PLPP1: variants seen among roughly 807,000 people sequenced by gnomAD.
The protein encoded by PLPP1 is phospholipid phosphatase 1.
PLPP1 carries 24 observed loss-of-function variants against 31.2 expected under a neutral mutation model. That is an observed-to-expected ratio of 0.77 (90% CI 0.56 to 1.08). The LOEUF (loss-of-function observed/expected upper bound fraction) is 1.08. Among genes scored for constraint, PLPP1 ranks in the 50% least tolerant of loss-of-function variants. PLPP1 has a pLI of 0.00. For synonymous variants in PLPP1, 146 were observed against 126.3 expected (o/e 1.16, Z -1.05); for missense variants, 319 against 342.7 (o/e 0.93, Z 0.55).
intron 2 of PLPP1, among the ~76,000 whole-genome samples, chr5:55,469,507 A>T (rs1006106168): frequency 1.6e-4 from 7 of 44,764 alleles, no homozygotes; most frequent in African/African-American, 3.5e-4. Flanking sequence ...ATAATAATAA[A>T]AATTAAAAAA....
chr5:55,442,607 G>A (rs529351180), intron 3 of PLPP1, among the ~76,000 whole-genome samples: 3 of 149,510 alleles, frequency 2.0e-5, no homozygotes, highest in South Asian at 2.1e-4. Flanking sequence ...GGCCGAGATC[G>A]CACCACTGCA....
chr5:55,467,982 C>T lies in PLPP1; in HGVS notation c.378G>A (p.Leu126=), dbSNP rs772927437. The T allele has an allele frequency of 5.6e-6, 9 of 1,614,214 alleles. No homozygotes were observed. Among genetic ancestry groups the T allele is most frequent in the Non-Finnish European group, 7.6e-6 (9 of 1,180,028 alleles). The change falls in exon 3 of 6, where the codon CTG becomes CTA. Residue 126 remains leucine, a synonymous_variant. Coordinates refer to ENST00000307259, the MANE Select transcript of PLPP1 (RefSeq NM_003711.4). ...CACAAACATCCAAGAAGTGAGGCCG[C>T]AGTCTGCCTATTGAATACTTGGCAA... ...TDIAKYSIGR[L]RPHFLDVCDP...
intron 4 of PLPP1, among the ~76,000 whole-genome samples, chr5:55,440,614 T>C (rs1477743869): frequency 7.3e-6 from 1 of 136,234 alleles, no homozygotes; most frequent in Non-Finnish European, 1.5e-5. Flanking sequence ...TTCACAAAAT[T>C]TAATTAATGT....
At chr5:55,501,576 C>T (rs2111882469) in intron 1 of PLPP1, among the ~76,000 whole-genome samples, 1 of 152,250 alleles carries the variant, frequency 6.6e-6, no homozygotes, top group Admixed American at 6.5e-5. Flanking sequence ...GTGATCTTGG[C>T]TCACTGCCAA....
intron 1 of PLPP1, among the ~76,000 whole-genome samples, chr5:55,479,586 G>A (rs1465842443): frequency 6.6e-6 from 1 of 152,212 alleles, no homozygotes; most frequent in Non-Finnish European, 1.5e-5. Context: ...AAGAAGCTGA[G>A]AACAAAGCAG....
intron 3 of PLPP1, among the ~76,000 whole-genome samples, chr5:55,448,967 T>C (rs1317536537): frequency 6.6e-6 from 1 of 152,214 alleles, no homozygotes; most frequent in East Asian, 1.9e-4. Context: ...TAAATAGTTG[T>C]CCTACTGTAT....
intron 1 of PLPP1, among the ~76,000 whole-genome samples, chr5:55,501,182 G>A (rs1429107154): frequency 6.6e-6 from 1 of 152,020 alleles, no homozygotes. Context: ...GCACAGAGGC[G>A]GATGCCTGTA....
At chr5:55,468,816 A>C (rs1312786099) in intron 2 of PLPP1, among the ~76,000 whole-genome samples, 4 of 152,148 alleles carry the variant, frequency 2.6e-5, no homozygotes, top group African/African-American at 7.2e-5. Flanking sequence ...TAAATAAATA[A>C]ATACATACAT....
intron 3 of PLPP1, among the ~76,000 whole-genome samples, chr5:55,442,630 T>C (rs939337349): frequency 1.8e-4 from 26 of 142,590 alleles, no homozygotes; most frequent in Non-Finnish European, 3.5e-4. Context: ...CCAGCCTGGG[T>C]GACAGAGGGA....
At chr5:55,431,113 CAAAAAT>C (rs1271737785) in intron 4 of PLPP1, among the ~76,000 whole-genome samples, 4 of 152,012 alleles carry the variant, frequency 2.6e-5, no homozygotes, top group Admixed American at 1.3e-4. Context: ...TCTCAGAAAA[CAAAAAT>C]AAAAGGGATA....
chr5:55,446,697 A>G (rs913452324), intron 3 of PLPP1, among the ~76,000 whole-genome samples: 11 of 152,348 alleles, frequency 7.2e-5, no homozygotes, highest in African/African-American at 2.2e-4. Flanking sequence ...AATACACTTT[A>G]AACTTCAAGC....
At chr5:55,438,763 T>TGGTGGCGGGCGC (rs1751553709) in intron 4 of PLPP1, among the ~76,000 whole-genome samples, 1 of 151,838 alleles carries the variant, frequency 6.6e-6, no homozygotes, top group African/African-American at 2.4e-5. Context: ...TAGCCGGGCG[T>TGGTGGCGGGCGC]GGTGGCGGGC....
At chr5:55,465,494 A>G (rs1435440711) in intron 3 of PLPP1, among the ~76,000 whole-genome samples, 1 of 152,178 alleles carries the variant, frequency 6.6e-6, no homozygotes, top group Non-Finnish European at 1.5e-5. Flanking sequence ...CCCGCACCAC[A>G]CTGGAAGAAG....
chr5:55,505,785 A>G (rs1753260626), intron 1 of PLPP1, among the ~76,000 whole-genome samples: 1 of 152,182 alleles, frequency 6.6e-6, no homozygotes, highest in Non-Finnish European at 1.5e-5. Context: ...TGGCTGGTGC[A>G]GTGGCTCACG....
At chr5:55,501,471 T>C (rs1753144027) in intron 1 of PLPP1, among the ~76,000 whole-genome samples, 1 of 151,976 alleles carries the variant, frequency 6.6e-6, no homozygotes, top group Non-Finnish European at 1.5e-5. Context: ...AGATCTATGA[T>C]GATTTCCTTA....
At chr5:55,521,591 AC>A (rs1282459913) in intron 1 of PLPP1, among the ~76,000 whole-genome samples, 1 of 152,178 alleles carries the variant, frequency 6.6e-6, no homozygotes, top group African/African-American at 2.4e-5. Flanking sequence ...AGCTCTGTGT[AC>A]CTTTTGAGGA....
intron 1 of PLPP1, chr5:55,491,189 G>C: frequency 6.8e-7 from 1 of 1,481,312 alleles, no homozygotes; most frequent in Non-Finnish European, 9.1e-7. Context: ...TCTACTGAAT[G>C]GGATGCAAAT....
Position 55,475,462 on chromosome 5 carries a change from G to A in PLPP1, c.59-12C>T, listed in dbSNP as rs763246715. 1.3e-6 allele frequency: 2 copies of A among 1,576,688 alleles called. No homozygotes were observed. Among genetic ancestry groups the A allele is most frequent in the Non-Finnish European group, 1.7e-6 (2 of 1,162,256 alleles). On this transcript the variant is annotated splice_polypyrimidine_tract_variant and intron_variant, in intron 1 of 5. Coordinates refer to ENST00000307259, the MANE Select transcript of PLPP1 (RefSeq NM_003711.4). ...AAAAGGCAATCCAGCTAGCAAAAGGGAATAAATGAAAATATCATTAAAAAA... is the reference window on the plus strand; with the variant it reads ...AAAAGGCAATCCAGCTAGCAAAAGGAAATAAATGAAAATATCATTAAAAAA...
intron 1 of PLPP1, among the ~76,000 whole-genome samples, chr5:55,481,050 T>C (rs902917998): frequency 2.0e-5 from 3 of 152,192 alleles, no homozygotes; most frequent in African/African-American, 7.2e-5. Context: ...ATATGGTAAC[T>C]TACTGCTTCC....
Sources: allele counts gnomAD v4.1 joint callset (sites outside exome capture counted in the v4.1 genomes callset), GRCh38; gene constraint gnomAD v4.1.1; transcripts MANE v1.5; gene names NCBI Gene and HGNC (gene_info 2026-07-23, HGNC 2026-07-21).